MIB2: variants seen among roughly 807,000 people sequenced by gnomAD.
MIB2 encodes E3 ubiquitin-protein ligase MIB2.
Under a neutral mutation model 96.6 loss-of-function variants are expected in MIB2, and 78 were observed. That is an observed-to-expected ratio of 0.81 (90% CI 0.67 to 0.97). MIB2 has a LOEUF of 0.97. Among genes scored for constraint, MIB2 ranks in the 50% least tolerant of loss-of-function variants. MIB2 has a pLI of 0.00. For missense variants in MIB2, 1,543 were observed against 1,424.0 expected (o/e 1.08, Z -1.35); for synonymous variants, 820 against 629.5 (o/e 1.30, Z -4.53).
rs1293954894 is a variant in MIB2 at position 1,629,200 on chromosome 1, C to T, written c.2270C>T (p.Ala757Val). Residue 757 changes from alanine to valine, a missense_variant, in exon 17 of 20, where the codon GCG (alanine) becomes GTG (valine). By Grantham distance (64) the Ala-to-Val change is moderately conservative (BLOSUM62 0). Coordinates refer to ENST00000355826, the MANE Select transcript of MIB2 (RefSeq NM_001170687.4). ...TVGAAVACFLALEGADVSYTN... is the reference protein window; with the variant it reads ...TVGAAVACFLVLEGADVSYTN... ...GGCGCGGCGGTCGCCTGCTTCCTGG[C>T]GCTGGAGGGCGCCGACGTGAGCTAC... is the stretch of plus-strand genomic sequence containing the variant. 3.9e-6 allele frequency: 6 copies of T among 1,520,910 alleles called. No individual in the cohort carries two copies. Among genetic ancestry groups the T allele is most frequent in the African/African-American group, 1.4e-5 (1 of 69,464 alleles). 94.2% of individuals were successfully genotyped at this position (1,520,910 alleles called of 1,614,324 possible).
At position 1,623,328 on chromosome 1, in the gene MIB2, C is replaced by T. The variant is rs552922920; in HGVS notation, c.-22-103C>T. On this transcript the variant is annotated intron_variant, in intron 2 of 19. Coordinates refer to ENST00000355826, the MANE Select transcript of MIB2 (RefSeq NM_001170687.4). Reference sequence around the variant, plus strand: ...GCCCCGTTGGGCCTCTCTGCTCTCCCGCGGAGCCCACTCTGACCGGGAGTG... The same window carrying T: ...GCCCCGTTGGGCCTCTCTGCTCTCCTGCGGAGCCCACTCTGACCGGGAGTG... 68 of 1,495,472 alleles carry T rather than the reference C, an allele frequency of 4.5e-5. No individual in the cohort carries two copies. In the African/African-American group the frequency reaches 6.7e-4, roughly 15 times the overall value. 92.6% of individuals were successfully genotyped at this position (1,495,472 alleles called of 1,614,324 possible).
Position 1,625,192 on chromosome 1 carries a change from G to A in MIB2, c.721+7G>A. 1 of 1,607,132 alleles carries A rather than the reference G, an allele frequency of 6.2e-7. No individual in the cohort carries two copies. The highest frequency in any genetic ancestry group is 8.5e-7 in the Non-Finnish European group (1 of 1,176,428). On this transcript the variant is annotated splice_region_variant and intron_variant, in intron 6 of 19. Transcript: ENST00000355826. The surrounding 1 kb of genome is among the most constrained non-coding windows in gnomAD (Gnocchi z 5.0). The stretch of plus-strand genomic sequence containing the variant: ...GACCACCTCCCAAGGCTCGGTATGA[G>A]GCTGTCACACTGACTCCATCAGCCC...
At chr1:1,629,846 CCCCCCAGCCCCCAG>C in intron 19 of MIB2, 142 bp downstream of exon 19, 2 of 880,470 alleles carry the variant, frequency 2.3e-6, no homozygotes, top group Non-Finnish European at 1.6e-6. Flanking sequence ...TCACACCCGG[CCCCCCAGCCCCCAG>C]CCCCCAGCCC....
upstream of MIB2, chr1:1,615,428 G>A (rs1244461933): frequency 2.0e-6 from 3 of 1,493,516 alleles, no homozygotes; most frequent in Admixed American, 4.5e-5. Flanking sequence ...TCCGGTGCTT[G>A]CCCTGCCCAT....
Position 1,625,470 on chromosome 1 carries a change from C to CA in MIB2, c.864+43dup, listed in dbSNP as rs1335187277. On this transcript the variant is annotated intron_variant, in intron 7 of 19. Coordinates refer to ENST00000355826, the MANE Select transcript of MIB2 (RefSeq NM_001170687.4). This position sits in a 1 kb window ranked among gnomAD's most constrained non-coding sequence, Gnocchi z 5.0. ...TGGAGCCCTGTGTGCCCTGCCCTCC[C>CA]AGCCCTCCGCCCCCTCAGCCCCTTC... is the stretch of plus-strand genomic sequence containing the variant. 8 of 1,550,502 alleles carry CA rather than the reference C, an allele frequency of 5.2e-6. No individual in the cohort carries two copies. The East Asian group carries it at 1.9e-4, about 37-fold the overall frequency.
chr1:1,617,447 G>A (rs535434617), intron 2 of MIB2: 1 of 152,366 alleles, frequency 6.6e-6, no homozygotes, highest in South Asian at 2.1e-4. Context: ...AGAGCTTGCA[G>A]TTTCTTGTGA....
At position 1,625,728 on chromosome 1, in the gene MIB2, G is replaced by A; in HGVS notation, c.972+75G>A. 1 of 1,274,934 alleles carries A rather than the reference G, an allele frequency of 7.8e-7. No homozygotes were observed. The highest frequency in any genetic ancestry group is 1.1e-6 in the Non-Finnish European group (1 of 906,946). 79.0% of individuals were successfully genotyped at this position (1,274,934 alleles called of 1,614,324 possible). On this transcript the variant is annotated intron_variant, in intron 8 of 19. Coordinates refer to ENST00000355826, the MANE Select transcript of MIB2 (RefSeq NM_001170687.4). The surrounding 1 kb of genome is among the most constrained non-coding windows in gnomAD (Gnocchi z 5.0). Reference sequence around the variant, plus strand: ...TCCACGTACCCCCTTGGCCTTGGGGGGTCAGGCAGGACTAGGGTGCCAGCT... The same window carrying A: ...TCCACGTACCCCCTTGGCCTTGGGGAGTCAGGCAGGACTAGGGTGCCAGCT...
rs556491499 is a variant in MIB2 at position 1,626,151 on chromosome 1, G to A, written c.972+498G>A. 30 of 197,634 alleles carry A rather than the reference G, an allele frequency of 1.5e-4. 1 individual carries two copies. Among genetic ancestry groups the A allele is most frequent in the African/African-American group, 4.9e-4 (21 of 42,830 alleles). 12.2% of individuals were successfully genotyped at this position (197,634 alleles called of 1,614,324 possible). On this transcript the variant is annotated intron_variant, in intron 8 of 19. Coordinates refer to ENST00000355826, the MANE Select transcript of MIB2 (RefSeq NM_001170687.4). The surrounding 1 kb of genome is among the most constrained non-coding windows in gnomAD (Gnocchi z 5.3). ...GGGAGGGGCAGGCCCGGGGCAAAGC[G>A]TCAGAGCTCAGCTCTGGATCTGGGG...
At chr1:1,616,361 G>C in intron 1 of MIB2, 147 bp from the exon 2 acceptor site, 2 of 610,210 alleles carry the variant, frequency 3.3e-6, no homozygotes, top group Non-Finnish European at 5.4e-6. Context: ...ACCCCAGGGA[G>C]CCCATCCGGG....
chr1:1,615,435 C>T (rs1476293722), upstream of MIB2: 5 of 1,501,226 alleles, frequency 3.3e-6, no homozygotes, highest in African/African-American at 4.3e-5. Flanking sequence ...CTTGCCCTGC[C>T]CATCCCCGTG....
chr1:1,616,384 C>G, intron 1 of MIB2, 124 bp from the exon 2 acceptor site: 3 of 711,918 alleles, frequency 4.2e-6, no homozygotes, highest in Non-Finnish European at 6.6e-6. Context: ...GGCGGCGGCC[C>G]TGAGTGTCGC....
Position 1,629,541 on chromosome 1 carries a change from G to A in MIB2, c.2538G>A (p.Pro846=), listed in dbSNP as rs1296283262. The A allele has an allele frequency of 1.5e-5, 24 of 1,549,238 alleles. No individual in the cohort carries two copies. In the Admixed American group the frequency reaches 2.1e-4, roughly 14 times the overall value. ...SELALLVLFS[P]CQHRTVCEEC... ...TGGCGCTGCTGGTGCTGTTCTCGCCGTGCCAGCACCGCACCGTGTGTGAGG... is the reference window on the plus strand; with the variant it reads ...TGGCGCTGCTGGTGCTGTTCTCGCCATGCCAGCACCGCACCGTGTGTGAGG... The change falls in exon 18 of 20, where the codon CCG becomes CCA. Residue 846 remains proline (P), a synonymous_variant. Transcript: ENST00000355826.
chr1:1,618,290 G>T (rs9442410), intron 2 of MIB2: 1 of 152,164 alleles, frequency 6.6e-6, no homozygotes, highest in Non-Finnish European at 1.5e-5. Context: ...CTGGAGCCTT[G>T]TGGGTGTAGA....
At chr1:1,622,288 G>C (rs992678514) in intron 2 of MIB2, among the ~76,000 whole-genome samples, 10 of 152,368 alleles carry the variant, frequency 6.6e-5, no homozygotes, top group African/African-American at 2.2e-4. Context: ...CTGGAGTGTA[G>C]TGGTGCGATC....
At chr1:1,615,959 C>T (rs1270293366) in intron 1 of MIB2, 7 of 986,544 alleles carry the variant, frequency 7.1e-6, no homozygotes, top group Non-Finnish European at 7.2e-6. Flanking sequence ...GCGCTCTGGC[C>T]TGGCCTGGCC....
intron 2 of MIB2, chr1:1,618,684 A>G (rs988043846): frequency 3.9e-5 from 6 of 152,340 alleles, no homozygotes; most frequent in African/African-American, 1.2e-4. Flanking sequence ...CCTTTTGTCC[A>G]CAAGCTTCCC....
chr1:1,615,361 C>A (rs910567179), upstream of MIB2: 9 of 1,409,662 alleles, frequency 6.4e-6, no homozygotes, highest in East Asian at 2.8e-5. Context: ...CTAAGCCGCT[C>A]GGAACCTAGC....
At position 1,630,425 on chromosome 1, in the gene MIB2, C is replaced by T. The variant is rs780930779; in HGVS notation, c.2763C>T (p.Leu921=). The change falls in exon 20 of 20, where the codon CTC becomes CTT. Residue 921 remains leucine (L), a synonymous_variant. Coordinates refer to ENST00000355826, the MANE Select transcript of MIB2 (RefSeq NM_001170687.4). ...CPICIDSHIR[L]VFQCGHGACA... Reference sequence around the variant, plus strand: ...TCTGCATCGACAGCCACATCCGCCTCGTGTTCCAGTGCGGCCACGGCGCAT... The same window carrying T: ...TCTGCATCGACAGCCACATCCGCCTTGTGTTCCAGTGCGGCCACGGCGCAT... 5.0e-6 allele frequency: 8 copies of T among 1,586,414 alleles called. No individual in the cohort carries two copies. The highest frequency in any genetic ancestry group is 3.5e-5 in the Admixed American group (2 of 56,910).
rs1644582638 is a variant in MIB2 at position 1,624,794 on chromosome 1, G to A, written c.420-1G>A. The A allele has an allele frequency of 6.2e-7, 1 of 1,612,312 alleles. No individual in the cohort carries two copies. Among genetic ancestry groups the A allele is most frequent in the Admixed American group, 1.7e-5 (1 of 59,934 alleles). ...AGCTTTATTTGTGAACCCTCTTGCA[G>A]TGTCACACTGAGTCCCCGCCAGGGC... On this transcript the variant is annotated splice_acceptor_variant, in intron 4 of 19. Coordinates refer to ENST00000355826, the MANE Select transcript of MIB2 (RefSeq NM_001170687.4). LOFTEE classifies it high-confidence loss of function.
Sources: gnomAD v4.1 joint callset for allele counts (sites outside exome capture counted in the v4.1 genomes callset) on GRCh38, gnomAD v4.1.1 for gene constraint, Gnocchi (gnomAD v3.1) non-coding constraint, MANE v1.5 for transcripts, NCBI Gene and HGNC (gene_info 2026-07-23, HGNC 2026-07-21) for gene names.